HEMK2: variants seen among roughly 807,000 people sequenced by gnomAD.
The protein encoded by HEMK2 is methyltransferase HEMK2.
the HEMK2 span, among the ~76,000 whole-genome samples, chr21:28,588,683 A>C: frequency 2.4e-4 from 37 of 152,162 alleles, no homozygotes; most frequent in Non-Finnish European, 4.6e-4. Context: ...GAAAAGAGCT[A>C]AAAGGATCCG....
At chr21:28,871,742 G>C in the HEMK2 span, among the ~76,000 whole-genome samples, 7 of 152,256 alleles carry the variant, frequency 4.6e-5, no homozygotes, top group African/African-American at 1.4e-4. Flanking sequence ...TGAAATAAAG[G>C]TGTGGGCTGG....
the HEMK2 span, among the ~76,000 whole-genome samples, chr21:28,726,516 A>C: frequency 6.6e-6 from 1 of 152,224 alleles, no homozygotes; most frequent in East Asian, 1.9e-4. Flanking sequence ...TTATTTAAGT[A>C]GTTGAAAATA....
At chr21:28,879,633 A>G in the HEMK2 span, among the ~76,000 whole-genome samples, 1 of 152,256 alleles carries the variant, frequency 6.6e-6, no homozygotes, top group Non-Finnish European at 1.5e-5. Context: ...GAATATAAAT[A>G]CCATGGCCTG....
the HEMK2 span, among the ~76,000 whole-genome samples, chr21:28,671,498 G>A: frequency 6.6e-6 from 1 of 152,174 alleles, no homozygotes; most frequent in African/African-American, 2.4e-5. Context: ...GACCAACTCT[G>A]TATTCATTTG....
At chr21:28,638,373 G>A in the HEMK2 span, among the ~76,000 whole-genome samples, 3 of 152,250 alleles carry the variant, frequency 2.0e-5, no homozygotes, top group East Asian at 5.8e-4. Context: ...ACGGTGCACA[G>A]GCAAATTAAG....
the HEMK2 span, among the ~76,000 whole-genome samples, chr21:28,724,954 G>A: frequency 6.6e-6 from 1 of 151,848 alleles, no homozygotes; most frequent in Non-Finnish European, 1.5e-5. Context: ...CTAATTTTTT[G>A]AATTTTTTTG....
At chr21:28,826,027 G>A in the HEMK2 span, among the ~76,000 whole-genome samples, 2 of 152,174 alleles carry the variant, frequency 1.3e-5, no homozygotes, top group African/African-American at 2.4e-5. Flanking sequence ...AGGATAAAAG[G>A]GCACCCAGAA....
chr21:28,758,967 G>A, the HEMK2 span, among the ~76,000 whole-genome samples: 1 of 152,332 alleles, frequency 6.6e-6, no homozygotes, highest in Non-Finnish European at 1.5e-5. Context: ...AGTCAGCTGA[G>A]TAGTCTGGCA....
At chr21:28,874,037 T>A in the HEMK2 span, 2 of 152,186 alleles carry the variant, frequency 1.3e-5, no homozygotes, top group African/African-American at 4.8e-5. Flanking sequence ...GCATAGACAG[T>A]CTTCTAGAGA....
At chr21:28,583,723 A>G in the HEMK2 span, among the ~76,000 whole-genome samples, 1 of 152,188 alleles carries the variant, frequency 6.6e-6, no homozygotes, top group Non-Finnish European at 1.5e-5. Flanking sequence ...TATTTTGCCC[A>G]AATTGTGCAG....
the HEMK2 span, among the ~76,000 whole-genome samples, chr21:28,745,500 G>T: frequency 6.6e-6 from 1 of 152,126 alleles, no homozygotes; most frequent in Non-Finnish European, 1.5e-5. Context: ...GACCTCTCCT[G>T]CCTGTACCCC....
chr21:28,727,823 G>A, the HEMK2 span, among the ~76,000 whole-genome samples: 1 of 152,020 alleles, frequency 6.6e-6, no homozygotes, highest in Non-Finnish European at 1.5e-5. Context: ...TAAGCCTGAG[G>A]GCTTGCTTGA....
At chr21:28,675,090 T>C in the HEMK2 span, among the ~76,000 whole-genome samples, 2 of 152,208 alleles carry the variant, frequency 1.3e-5, no homozygotes, top group African/African-American at 2.4e-5. Flanking sequence ...TGGTAAATTA[T>C]AGTAAACTTA....
the HEMK2 span, among the ~76,000 whole-genome samples, chr21:28,661,041 C>G: frequency 6.6e-6 from 1 of 151,958 alleles, no homozygotes; most frequent in Admixed American, 6.6e-5. Context: ...AAATATCTTA[C>G]CTTTCTCATC....
At chr21:28,722,671 C>T in the HEMK2 span, among the ~76,000 whole-genome samples, 2 of 152,084 alleles carry the variant, frequency 1.3e-5, no homozygotes, top group Non-Finnish European at 2.9e-5. Context: ...GACCTGAGGT[C>T]GGGAGTTCAA....
the HEMK2 span, among the ~76,000 whole-genome samples, chr21:28,831,739 G>GAA: frequency 2.8e-5 from 4 of 144,302 alleles, no homozygotes; most frequent in African/African-American, 1.1e-4. Flanking sequence ...AGGAAGGAAA[G>GAA]AAAGAAAGAA....
the HEMK2 span, among the ~76,000 whole-genome samples, chr21:28,604,898 G>A: frequency 6.6e-6 from 1 of 152,180 alleles, no homozygotes; most frequent in Non-Finnish European, 1.5e-5. Context: ...GGACCATGTT[G>A]TGCCACAGAC....
the HEMK2 span, among the ~76,000 whole-genome samples, chr21:28,789,467 A>C: frequency 0.51 from 77,608 of 152,018 alleles, 22,295 homozygotes; most frequent in East Asian, 0.78. Context: ...ATATGAGGGA[A>C]AGTTATGAAA....
chr21:28,736,555 G>A, the HEMK2 span, among the ~76,000 whole-genome samples: 23 of 152,238 alleles, frequency 1.5e-4, no homozygotes, highest in South Asian at 2.1e-4. Context: ...TCAGGAGTTC[G>A]AGGCCAGCCT....
Sources: allele counts gnomAD v4.1 joint callset (sites outside exome capture counted in the v4.1 genomes callset), GRCh38; gene constraint gnomAD v4.1.1; transcripts MANE v1.5; gene names NCBI Gene and HGNC (gene_info 2026-07-23, HGNC 2026-07-21).